RBMS3: variants seen among roughly 807,000 people sequenced by gnomAD.
RBMS3 encodes the protein RNA binding motif single stranded interacting protein 3, also known as RNA-binding motif, single-stranded-interacting protein 3.
In RBMS3, 27 loss-of-function variants were observed where a neutral mutation model predicts 66.8. The ratio of observed to expected loss-of-function variants is 0.40; its 90% CI spans 0.30 to 0.56. RBMS3 has a LOEUF of 0.56. RBMS3 is among the 20% of genes least tolerant of loss of function. The pLI is 0.40. For synonymous variants in RBMS3, 188 were observed against 183.0 expected, an observed-to-expected ratio of 1.03 and a Z score of -0.22; for missense variants, 513 against 549.5, an observed-to-expected ratio of 0.93 and a Z score of 0.66.
intron 6 of RBMS3, among the ~76,000 whole-genome samples, chr3:29,823,139 G>A (rs1025309427): frequency 5.3e-5 from 8 of 152,014 alleles, no homozygotes; most frequent in African/African-American, 1.9e-4. Context: ...GGAAAAATCT[G>A]CATACTATAA....
At chr3:29,522,123 C>T (rs1389435605) in intron 3 of RBMS3, among the ~76,000 whole-genome samples, 1 of 152,122 alleles carries the variant, frequency 6.6e-6, no homozygotes, top group Non-Finnish European at 1.5e-5. Context: ...AGAGGAAAAT[C>T]TAAGAAGCTA....
chr3:29,693,772 T>A (rs9853767), intron 4 of RBMS3, among the ~76,000 whole-genome samples: 6,725 of 152,296 alleles, frequency 0.044, 172 homozygotes, highest in Admixed American at 0.073. Flanking sequence ...TTTCAATGAT[T>A]TGATCAATAA....
At chr3:29,814,464 A>C (rs1048756568) in intron 6 of RBMS3, among the ~76,000 whole-genome samples, 12 of 152,262 alleles carry the variant, frequency 7.9e-5, no homozygotes, top group Non-Finnish European at 1.2e-4. Flanking sequence ...TGTCTCTGCC[A>C]GGCTTTGGTA....
chr3:29,353,814 C>T (rs558491258), intron 1 of RBMS3, among the ~76,000 whole-genome samples: 8 of 152,182 alleles, frequency 5.3e-5, no homozygotes, highest in African/African-American at 1.9e-4. Flanking sequence ...GAGATCAACA[C>T]TTGTATTTTA....
intron 6 of RBMS3, among the ~76,000 whole-genome samples, chr3:29,828,977 A>ACTTTTTT: frequency 1.0e-5 from 1 of 98,704 alleles, no homozygotes; most frequent in African/African-American, 3.9e-5. Context: ...TTAGCGAGTG[A>ACTTTTTT]CTTTCTTTCT....
At chr3:29,354,741 G>A (rs1012484754) in intron 1 of RBMS3, among the ~76,000 whole-genome samples, 18 of 152,092 alleles carry the variant, frequency 1.2e-4, no homozygotes, top group African/African-American at 3.9e-4. Context: ...ACCTAATAGA[G>A]TGGATACTGA....
In RBMS3 at chr3:29,281,118, T is replaced by TG. The variant is rs1239738116; in HGVS notation, c.-564_-563insG. On this transcript the variant is annotated 5_prime_UTR_variant, in exon 1 of 15. Transcript: ENST00000383767. ...GCAGCAACTAAGCTGTACAAGGTTTTTTTTTTTTTTTTTTCTTCCTTTTTT... is the reference window on the plus strand; with the variant it reads ...GCAGCAACTAAGCTGTACAAGGTTTTGTTTTTTTTTTTTTTCTTCCTTTTTT... The TG allele has an allele frequency of 2.1e-5, 3 of 145,504 alleles. No homozygotes were observed. Among genetic ancestry groups the TG allele is most frequent in the Non-Finnish European group, 4.5e-5 (3 of 66,110 alleles). The allele number at this position is 145,504 out of a possible 1,614,324, so 9.0% of individuals were successfully genotyped here.
chr3:29,721,196 G>A (rs2053628357), intron 4 of RBMS3, among the ~76,000 whole-genome samples: 1 of 151,996 alleles, frequency 6.6e-6, no homozygotes, highest in South Asian at 2.1e-4. Context: ...AATGTATTTG[G>A]CTTAACAGTT....
At chr3:29,312,731 A>G (rs1245550676) in intron 1 of RBMS3, among the ~76,000 whole-genome samples, 1 of 148,706 alleles carries the variant, frequency 6.7e-6, no homozygotes, top group East Asian at 2.0e-4. Context: ...TAAAGAGTCC[A>G]TCTGCAAATA....
intron 6 of RBMS3, among the ~76,000 whole-genome samples, chr3:29,787,345 G>A (rs1576803394): frequency 6.6e-6 from 1 of 152,052 alleles, no homozygotes; most frequent in East Asian, 1.9e-4. Flanking sequence ...TTTACCCAGA[G>A]GAAAAGAAGT....
At chr3:29,298,538 T>C (rs975492277) in intron 1 of RBMS3, among the ~76,000 whole-genome samples, 5 of 151,936 alleles carry the variant, frequency 3.3e-5, no homozygotes, top group Admixed American at 3.3e-4. Flanking sequence ...CTTTCAATTA[T>C]AAAGATACTA....
chr3:29,946,248 G>T (rs1379133056), intron 12 of RBMS3, among the ~76,000 whole-genome samples: 1 of 151,550 alleles, frequency 6.6e-6, no homozygotes, highest in African/African-American at 2.4e-5. Flanking sequence ...TCAATCCTTG[G>T]CCACATCAGG....
chr3:29,377,529 C>T (rs2038540194), intron 1 of RBMS3, among the ~76,000 whole-genome samples: 1 of 152,204 alleles, frequency 6.6e-6, no homozygotes, highest in African/African-American at 2.4e-5. Context: ...CTCTGTGAAT[C>T]TTCCTTTACC....
At chr3:29,442,584 A>G (rs2041668034) in intron 2 of RBMS3, among the ~76,000 whole-genome samples, 1 of 152,168 alleles carries the variant, frequency 6.6e-6, no homozygotes, top group Non-Finnish European at 1.5e-5. Flanking sequence ...GGATGTGCTG[A>G]GTAAACATCT....
At chr3:29,536,001 G>C (rs1484192745) in intron 3 of RBMS3, among the ~76,000 whole-genome samples, 3 of 152,006 alleles carry the variant, frequency 2.0e-5, no homozygotes, top group Admixed American at 1.3e-4. Context: ...TTCGTCTGAA[G>C]TTTTGAATCT....
intron 1 of RBMS3, among the ~76,000 whole-genome samples, chr3:29,363,597 T>G (rs2037729340): frequency 6.6e-6 from 1 of 152,144 alleles, no homozygotes; most frequent in African/African-American, 2.4e-5. Flanking sequence ...GAGACCAGCC[T>G]GGCCGATATG....
chr3:29,408,118 A>C (rs1347150812), intron 1 of RBMS3, among the ~76,000 whole-genome samples: 2 of 151,316 alleles, frequency 1.3e-5, no homozygotes, highest in East Asian at 1.9e-4. Context: ...TAAAAATACA[A>C]AAAATTAGCT....
intron 1 of RBMS3, among the ~76,000 whole-genome samples, chr3:29,325,548 GTA>G (rs1349025709): frequency 6.6e-6 from 1 of 151,182 alleles, no homozygotes; most frequent in Non-Finnish European, 1.5e-5. Context: ...ATACATGTGT[GTA>G]TATATGTGTG....
In RBMS3 at chr3:29,906,711, A is replaced by G. The variant is rs146870126; in HGVS notation, c.939+6956A>G. The stretch of plus-strand genomic sequence containing the variant: ...AATATATACATAAGTTAAAATATGC[A>G]TATAAAATACCCATTTCCTCTTACC... On this transcript the variant is annotated intron_variant, in intron 10 of 14. Coordinates refer to ENST00000383767, the MANE Select transcript of RBMS3 (RefSeq NM_001003793.3). 1.8e-3 allele frequency among the ~76,000 whole-genome samples: 277 copies of G among 152,238 alleles called. 9 individuals are homozygous for G. The East Asian group carries it at 0.047, about 26-fold the overall frequency.
Sources: allele counts gnomAD v4.1 joint callset (sites outside exome capture counted in the v4.1 genomes callset), GRCh38; gene constraint gnomAD v4.1.1; transcripts MANE v1.5; gene names NCBI Gene and HGNC (gene_info 2026-07-23, HGNC 2026-07-21).